Variants in TRIM74 observed in about 807,000 individuals in gnomAD.
The protein encoded by TRIM74 is tripartite motif containing 74.
TRIM74 carries 3 observed loss-of-function variants against 14.5 expected under a neutral mutation model. The ratio of observed to expected loss-of-function variants is 0.21; its 90% confidence interval spans 0.09 to 0.53. The LOEUF (loss-of-function observed/expected upper bound fraction) is 0.53. Ranked by LOEUF, TRIM74 falls within the 20% of genes least tolerant of loss-of-function variation. The pLI is 0.95. For missense variants in TRIM74, 26 were observed against 174.0 expected (o/e 0.15, Z 4.79); for synonymous variants, 10 against 71.3 (o/e 0.14, Z 4.33).
At chr7:72,966,306 AC>A (rs1798269763) in intron 1 of TRIM74, 131 bp from the exon 2 acceptor site, 1 of 332,758 alleles carries the variant, frequency 3.0e-6, no homozygotes, top group Non-Finnish European at 5.1e-6. Context: ...CCCAGTCCTA[AC>A]CCACATGACC....
downstream of TRIM74, chr7:72,955,087 G>GTATA (rs56757405): frequency 1.6e-4 from 47 of 301,820 alleles, 1 homozygote; most frequent in South Asian, 5.5e-4. Flanking sequence ...GTGTATGTGT[G>GTATA]TATATATATA....
downstream of TRIM74, chr7:72,955,039 T>C: frequency 4.6e-6 from 3 of 647,240 alleles, no homozygotes; most frequent in South Asian, 3.1e-5. Context: ...CACATGTGTA[T>C]TGGTCATTTC....
chr7:72,955,143 C>T (rs1401778295), downstream of TRIM74, among the ~76,000 whole-genome samples: 1 of 129,310 alleles, frequency 7.7e-6, no homozygotes, highest in Non-Finnish European at 1.6e-5. Flanking sequence ...AAGACTCACT[C>T]TGTCGCGCAG....
At chr7:72,966,385 G>C (rs1159225203) in intron 1 of TRIM74, among the ~76,000 whole-genome samples, 1 of 42,950 alleles carries the variant, frequency 2.3e-5, no homozygotes, top group Non-Finnish European at 5.1e-5. Flanking sequence ...TTGAAGATAC[G>C]TGTGTGTGTG....
At chr7:72,955,233 A>G (rs1297800771), downstream of TRIM74, among the ~76,000 whole-genome samples, 2 of 117,492 alleles carry the variant, frequency 1.7e-5, no homozygotes, top group Non-Finnish European at 3.4e-5. Flanking sequence ...AGTAGCTAGG[A>G]CTACAGGCCC....
chr7:72,958,639 A>C, downstream of TRIM74, among the ~76,000 whole-genome samples: 1 of 109,234 alleles, frequency 9.2e-6, no homozygotes, highest in Admixed American at 9.3e-5. Flanking sequence ...GCTCACTGCA[A>C]CCTCCACCTC....
intron 1 of TRIM74, among the ~76,000 whole-genome samples, chr7:72,966,629 G>C (rs1426507042): frequency 1.3e-5 from 1 of 77,740 alleles, no homozygotes; most frequent in East Asian, 2.9e-4. Flanking sequence ...AGATTCTAGA[G>C]GCCCACCTTC....
chr7:72,963,592 C>T (rs1185312145), intron 2 of TRIM74, among the ~76,000 whole-genome samples: 4 of 133,928 alleles, frequency 3.0e-5, no homozygotes, highest in Non-Finnish European at 4.9e-5. Flanking sequence ...CAAATCTGGC[C>T]GGGAACAGTG....
In TRIM74 at chr7:72,962,630, C is replaced by A. The variant is rs1387770805; in HGVS notation, c.400-1185G>T. On this transcript the variant is annotated intron_variant, in intron 2 of 4. Coordinates refer to ENST00000285805, the MANE Select transcript of TRIM74 (RefSeq NM_198853.3). ...CTGGGAGGCGGAGCTTGCAGTGAGC[C>A]GAGATCGCCCACTGCACTCCAGCCT... Among the ~76,000 whole-genome samples the A allele has an allele frequency of 4.0e-5, 3 of 74,280 alleles. No homozygotes were observed. In the East Asian group the frequency reaches 1.1e-3, roughly 27 times the overall value. 48.7% of individuals were successfully genotyped at this position (74,280 alleles called of 152,430 possible). A position where few individuals can be genotyped will look rare whatever the true frequency, so the allele number is the denominator to read the frequency against.
At chr7:72,966,872 C>G (rs1314113357) in intron 1 of TRIM74, 3 of 128,616 alleles carry the variant, frequency 2.3e-5, no homozygotes, top group South Asian at 3.2e-4. Flanking sequence ...ACTATGGCCT[C>G]AAGCCAGCAT....
chr7:72,967,411 C>G (rs1210883061), intron 1 of TRIM74, among the ~76,000 whole-genome samples: 1 of 152,230 alleles, frequency 6.6e-6, no homozygotes, highest in East Asian at 1.9e-4. Flanking sequence ...GCACGTGCCA[C>G]CATGCCAAGC....
intron 2 of TRIM74, among the ~76,000 whole-genome samples, chr7:72,962,509 T>C (rs1389090702): frequency 1.0e-3 from 10 of 9,828 alleles, no homozygotes; most frequent in African/African-American, 5.7e-3. Context: ...AGTGAAACCC[T>C]GTCTCTACTA....
chr7:72,969,534 G>T, upstream of TRIM74: 2 of 1,055,680 alleles, frequency 1.9e-6, no homozygotes, highest in Non-Finnish European at 2.8e-6. Flanking sequence ...GTGTGGTCCC[G>T]TTACGTGTCC....
At chr7:72,963,617 T>C (rs1384191142) in intron 2 of TRIM74, among the ~76,000 whole-genome samples, 1 of 135,204 alleles carries the variant, frequency 7.4e-6, no homozygotes, top group African/African-American at 2.7e-5. Context: ...ATGCCTGGAA[T>C]CCCAGCACTT....
intron 1 of TRIM74, 127 bp from the exon 2 acceptor site, chr7:72,966,302 C>T (rs572142854): frequency 6.0e-6 from 2 of 335,760 alleles, no homozygotes; most frequent in Admixed American, 4.7e-5. Flanking sequence ...GGATCCCAGT[C>T]CTAACCCACA....
At chr7:72,962,583 G>A (rs1305803074) in intron 2 of TRIM74, among the ~76,000 whole-genome samples, 1 of 34,886 alleles carries the variant, frequency 2.9e-5, no homozygotes, top group Non-Finnish European at 5.4e-5. Flanking sequence ...TCGGGAGGCT[G>A]AGGCAGGAGA....
chr7:72,969,586 A>C (rs1275147720), upstream of TRIM74: 7 of 1,446,636 alleles, frequency 4.8e-6, no homozygotes, highest in East Asian at 2.5e-5. Context: ...ACACCTGGCA[A>C]CTCACCGTGC....
intron 2 of TRIM74, among the ~76,000 whole-genome samples, chr7:72,962,714 T>C (rs1484063625): frequency 7.6e-6 from 1 of 130,792 alleles, no homozygotes; most frequent in African/African-American, 2.9e-5. Flanking sequence ...ATATTCTGCA[T>C]TGACAGCAGG....
At chr7:72,967,642 GT>G (rs1466338454) in intron 1 of TRIM74, among the ~76,000 whole-genome samples, 5 of 77,668 alleles carry the variant, frequency 6.4e-5, no homozygotes, top group Admixed American at 3.8e-4. Flanking sequence ...TTATTTTATT[GT>G]TTTATTTACT....
Sources: allele counts gnomAD v4.1 joint callset (sites outside exome capture counted in the v4.1 genomes callset), GRCh38; gene constraint gnomAD v4.1.1; transcripts MANE v1.5; gene names NCBI Gene and HGNC (gene_info 2026-07-23, HGNC 2026-07-21).